The following CCSER1 variants were observed in gnomAD, a reference collection of about 807,000 sequenced individuals.
CCSER1 encodes the protein coiled-coil serine rich protein 1, also known as serine-rich coiled-coil domain-containing protein 1.
A neutral mutation model predicts 82.0 loss-of-function variants in CCSER1; 41 were observed. The ratio of observed to expected loss-of-function variants is 0.50; its 90% CI spans 0.39 to 0.65. CCSER1 has a LOEUF of 0.65. Ranked by LOEUF, CCSER1 falls within the 30% of genes least tolerant of loss-of-function variation. The pLI is 0.00. For missense variants in CCSER1, 1,119 were observed against 1,064.2 expected (o/e 1.05, Z -0.72); for synonymous variants, 414 against 383.9 (o/e 1.08, Z -0.92).
At chr4:90,200,467 A>C (rs1737477919) in intron 1 of CCSER1, among the ~76,000 whole-genome samples, 1 of 152,064 alleles carries the variant, frequency 6.6e-6, no homozygotes, top group Admixed American at 6.6e-5. Flanking sequence ...AAAAATTTCT[A>C]AAAAACTTTT....
At chr4:90,546,442 C>T (rs1776754152) in intron 5 of CCSER1, among the ~76,000 whole-genome samples, 1 of 152,052 alleles carries the variant, frequency 6.6e-6, no homozygotes, top group African/African-American at 2.4e-5. Flanking sequence ...TCTGCATATC[C>T]CAGGGATCAG....
chr4:90,208,415 C>A (rs867771306), intron 1 of CCSER1, among the ~76,000 whole-genome samples: 9 of 152,236 alleles, frequency 5.9e-5, no homozygotes, highest in Middle Eastern at 6.8e-3. Context: ...GAATTTCAAG[C>A]CATTGGATCT....
At chr4:90,887,888 C>G (rs1422350334) in intron 8 of CCSER1, among the ~76,000 whole-genome samples, 1 of 151,744 alleles carries the variant, frequency 6.6e-6, no homozygotes, top group Admixed American at 6.6e-5. Flanking sequence ...CTCAAAAAAA[C>G]AAAACAAAAC....
chr4:90,534,291 G>A (rs1774998468), intron 5 of CCSER1, among the ~76,000 whole-genome samples: 1 of 152,086 alleles, frequency 6.6e-6, no homozygotes, highest in Non-Finnish European at 1.5e-5. Flanking sequence ...CACCACGCCT[G>A]GCTAATTTTG....
rs142760661 is a variant in CCSER1 at position 91,326,456 on chromosome 4, C to A, written c.2217+240462C>A. ...ATCACTAGAACAGTAAGGGGGAAAT[C>A]TGCCTTCATGATCCAATCACCTCCC... On this transcript the variant is annotated intron_variant, in intron 10 of 10. Transcript: ENST00000509176. 4.0e-3 allele frequency among the ~76,000 whole-genome samples: 614 copies of A among 152,264 alleles called. 4 individuals carry two copies. Among genetic ancestry groups the A allele is most frequent in the African/African-American group, 0.014 (598 of 41,542 alleles).
chr4:90,878,797 C>G (rs150064004), intron 8 of CCSER1, among the ~76,000 whole-genome samples: 1 of 152,162 alleles, frequency 6.6e-6, no homozygotes, highest in Admixed American at 6.6e-5. Context: ...ATATTTATGT[C>G]TGTACCTCTG....
At chr4:91,309,459 AT>A (rs1461398413) in intron 10 of CCSER1, among the ~76,000 whole-genome samples, 2 of 152,004 alleles carry the variant, frequency 1.3e-5, no homozygotes, top group Non-Finnish European at 2.9e-5. Flanking sequence ...GAAACATACA[AT>A]CCGTTTGCTA....
chr4:90,459,313 T>A (rs1399972695), intron 4 of CCSER1, among the ~76,000 whole-genome samples: 2 of 152,184 alleles, frequency 1.3e-5, no homozygotes, highest in Non-Finnish European at 2.9e-5. Context: ...GTAGTAGCAA[T>A]GTAGATTCAG....
intron 5 of CCSER1, among the ~76,000 whole-genome samples, chr4:90,618,418 T>C (rs1014441991): frequency 4.6e-5 from 7 of 152,072 alleles, no homozygotes; most frequent in Admixed American, 1.3e-4. Context: ...CAAATATACA[T>C]ACAGTAATAT....
intron 1 of CCSER1, among the ~76,000 whole-genome samples, chr4:90,261,375 A>G (rs1300677785): frequency 6.6e-6 from 1 of 152,178 alleles, no homozygotes; most frequent in Non-Finnish European, 1.5e-5. Flanking sequence ...TTCACTGGAA[A>G]CAAAAATCTT....
intron 5 of CCSER1, among the ~76,000 whole-genome samples, chr4:90,604,908 T>C (rs1784448822): frequency 6.6e-6 from 1 of 152,146 alleles, no homozygotes; most frequent in Non-Finnish European, 1.5e-5. Flanking sequence ...CAATCAGCTC[T>C]CTGTAAAATG....
chr4:91,353,349 G>A (rs908331045), intron 10 of CCSER1, among the ~76,000 whole-genome samples: 6 of 152,322 alleles, frequency 3.9e-5, no homozygotes, highest in African/African-American at 1.4e-4. Flanking sequence ...TGGTCAGAGA[G>A]AAACAGAACA....
At chr4:90,864,895 G>T (rs1765550443) in intron 8 of CCSER1, among the ~76,000 whole-genome samples, 2 of 151,954 alleles carry the variant, frequency 1.3e-5, no homozygotes, top group South Asian at 4.1e-4. Context: ...TGTTTCCAAT[G>T]ACTTGTAATT....
At chr4:91,408,698 T>C (rs906735038) in intron 10 of CCSER1, among the ~76,000 whole-genome samples, 1 of 152,236 alleles carries the variant, frequency 6.6e-6, no homozygotes, top group South Asian at 2.1e-4. Context: ...AGGTGCTTTA[T>C]AATTTCCACA....
chr4:91,354,084 G>A (rs1748658354), intron 10 of CCSER1, among the ~76,000 whole-genome samples: 1 of 152,078 alleles, frequency 6.6e-6, no homozygotes, highest in Non-Finnish European at 1.5e-5. Context: ...TTTCTTGCTG[G>A]GCCAGAATAG....
intron 5 of CCSER1, among the ~76,000 whole-genome samples, chr4:90,499,047 A>G (rs190673435): frequency 1.3e-5 from 2 of 152,188 alleles, no homozygotes; most frequent in Admixed American, 1.3e-4. Context: ...AATCTTTATC[A>G]ATAAATAAGC....
chr4:91,068,912 G>T (rs1025285949), intron 9 of CCSER1, among the ~76,000 whole-genome samples: 16 of 152,228 alleles, frequency 1.1e-4, no homozygotes, highest in African/African-American at 3.6e-4. Flanking sequence ...GCCAGGCATG[G>T]TGGCTCATGC....
At position 91,413,534 on chromosome 4, in the gene CCSER1, T is replaced by C. The variant is rs576322399; in HGVS notation, c.2218-185038T>C. 5.3e-5 allele frequency among the ~76,000 whole-genome samples: 8 copies of C among 150,986 alleles called. No individual in the cohort carries two copies. In the South Asian group the frequency reaches 1.7e-3, roughly 32 times the overall value. ...AAAAAACAAAAAGAATGAAAAAAAT[T>C]AAAACAAGCATAAGGGACCTATGGG... On this transcript the variant is annotated intron_variant, in intron 10 of 10. Coordinates refer to ENST00000509176, the MANE Select transcript of CCSER1 (RefSeq NM_001145065.2).
At chr4:90,352,140 C>T (rs1229856206) in intron 3 of CCSER1, among the ~76,000 whole-genome samples, 1 of 151,890 alleles carries the variant, frequency 6.6e-6, no homozygotes, top group Non-Finnish European at 1.5e-5. Flanking sequence ...CTGGCTAACA[C>T]GGTGAAACCC....
Sources: gnomAD v4.1 joint callset for allele counts (sites outside exome capture counted in the v4.1 genomes callset) on GRCh38, gnomAD v4.1.1 for gene constraint, MANE v1.5 for transcripts, NCBI Gene and HGNC (gene_info 2026-07-23, HGNC 2026-07-21) for gene names.